PDE1C: variants seen among roughly 807,000 people sequenced by gnomAD.
PDE1C encodes dual specificity calcium/calmodulin-dependent 3',5'-cyclic nucleotide phosphodiesterase 1C.
In PDE1C, 62 loss-of-function variants were observed where a neutral mutation model predicts 93.1. The ratio of observed to expected loss-of-function variants is 0.67; its 90% CI spans 0.54 to 0.82. The LOEUF is 0.82. Ranked by LOEUF, PDE1C falls within the 40% of genes least tolerant of loss-of-function variation. PDE1C has a pLI of 0.00. For missense variants in PDE1C, 742 were observed against 884.6 expected, an observed-to-expected ratio of 0.84 and a Z score of 2.04; for synonymous variants, 325 against 310.1, an observed-to-expected ratio of 1.05 and a Z score of -0.50.
intron 2 of PDE1C, among the ~76,000 whole-genome samples, chr7:31,931,117 C>G (rs1804183557): frequency 1.3e-5 from 2 of 152,060 alleles, no homozygotes; most frequent in Non-Finnish European, 2.9e-5. Flanking sequence ...TATGACAAAG[C>G]CATAGCCGAT....
intron 4 of PDE1C, 29 bp from the exon 5 acceptor site, chr7:31,878,065 A>T: frequency 6.7e-7 from 1 of 1,489,616 alleles, no homozygotes; most frequent in Non-Finnish European, 9.4e-7. Flanking sequence ...AAAATGCAAC[A>T]TGATATCTTA....
intron 2 of PDE1C, among the ~76,000 whole-genome samples, chr7:32,032,389 G>A (rs778918947): frequency 6.6e-5 from 10 of 152,134 alleles, no homozygotes; most frequent in Non-Finnish European, 1.3e-4. Context: ...CCTCACACCC[G>A]TAGAGTGTCC....
At chr7:32,382,016 A>T (rs187435498) in intron 1 of PDE1C, among the ~76,000 whole-genome samples, 1 of 152,366 alleles carries the variant, frequency 6.6e-6, no homozygotes, top group Admixed American at 6.5e-5. Context: ...GAAAGAGACC[A>T]TAAGGCAAGT....
At chr7:32,312,438 G>A (rs1482503429) in intron 1 of PDE1C, among the ~76,000 whole-genome samples, 8 of 151,996 alleles carry the variant, frequency 5.3e-5, no homozygotes, top group African/African-American at 1.4e-4. Flanking sequence ...AAAAGAGCCC[G>A]CATCGCCAAG....
chr7:32,056,649 C>CTAA (rs1794151827), intron 1 of PDE1C, among the ~76,000 whole-genome samples: 1 of 152,126 alleles, frequency 6.6e-6, no homozygotes, highest in Admixed American at 6.5e-5. Context: ...GGGCATTTAG[C>CTAA]ATAGTGCTGG....
chr7:31,643,967 C>A, the PDE1C span: 1 of 1,586,176 alleles, frequency 6.3e-7, no homozygotes, highest in South Asian at 1.1e-5. Context: ...AGTGTTCACC[C>A]TGGCAAAGAT....
chr7:32,030,360 C>T (rs1790146737), intron 2 of PDE1C, among the ~76,000 whole-genome samples: 1 of 152,048 alleles, frequency 6.6e-6, no homozygotes, highest in African/African-American at 2.4e-5. Flanking sequence ...CAAACTCATG[C>T]TTATGCTTAC....
intron 17 of PDE1C, among the ~76,000 whole-genome samples, chr7:31,774,434 A>G (rs1022839495): frequency 6.6e-6 from 1 of 152,208 alleles, no homozygotes; most frequent in African/African-American, 2.4e-5. Context: ...CACTAAAACC[A>G]TACATTAATA....
intron 2 of PDE1C, among the ~76,000 whole-genome samples, chr7:31,948,231 CA>C (rs1322597611): frequency 1.3e-5 from 2 of 152,198 alleles, no homozygotes; most frequent in African/African-American, 4.8e-5. Context: ...TACAGTGACT[CA>C]TGTGAGAGTT....
chr7:31,800,994 T>G (rs1012413754), intron 16 of PDE1C, among the ~76,000 whole-genome samples: 2 of 150,966 alleles, frequency 1.3e-5, no homozygotes, highest in African/African-American at 4.9e-5. Context: ...ATCATGATGC[T>G]AAAGCAGTAC....
At chr7:31,878,836 A>G (rs757116750) in intron 4 of PDE1C, among the ~76,000 whole-genome samples, 160 bp downstream of exon 4, 3 of 152,198 alleles carry the variant, frequency 2.0e-5, no homozygotes, top group Non-Finnish European at 4.4e-5. Flanking sequence ...ATTAAAATAG[A>G]TATGTTTTTG....
chr7:32,071,865 C>G (rs1796083363), upstream of PDE1C, among the ~76,000 whole-genome samples: 4 of 152,272 alleles, frequency 2.6e-5, no homozygotes, highest in South Asian at 8.3e-4. Context: ...CTAGGTGAAG[C>G]CACCACCAGG....
At chr7:31,830,835 G>C (rs1790292861) in intron 11 of PDE1C, among the ~76,000 whole-genome samples, 1 of 152,184 alleles carries the variant, frequency 6.6e-6, no homozygotes, top group South Asian at 2.1e-4. Context: ...AAGCAAGGTA[G>C]ATGGCAGAAT....
intron 3 of PDE1C, among the ~76,000 whole-genome samples, chr7:32,147,508 C>T (rs945304322): frequency 2.0e-5 from 3 of 151,996 alleles, no homozygotes; most frequent in Admixed American, 2.0e-4. Context: ...ATGCCCAGGC[C>T]TTTTTTCTGG....
intron 1 of PDE1C, among the ~76,000 whole-genome samples, chr7:32,285,036 AAAAAAAAGAAAAAAG>A (rs1811911421): frequency 6.6e-6 from 1 of 151,938 alleles, no homozygotes; most frequent in Non-Finnish European, 1.5e-5. Context: ...TCTCAAAAAA[AAAAAAAAGAAAAAAG>A]AAAAAAAGAA....
chr7:32,282,066 G>A (rs1485376017), intron 1 of PDE1C, among the ~76,000 whole-genome samples: 1 of 148,286 alleles, frequency 6.7e-6, no homozygotes, highest in Non-Finnish European at 1.5e-5. Flanking sequence ...TAAATGGTGA[G>A]TTAATGGGTG....
chr7:32,268,562 A>G (rs571932444), intron 1 of PDE1C, among the ~76,000 whole-genome samples: 2 of 152,350 alleles, frequency 1.3e-5, no homozygotes, highest in Admixed American at 1.3e-4. Context: ...TTAACTGAAT[A>G]AATGTAAAAT....
In PDE1C at chr7:32,085,327, C is replaced by T. The variant is rs1428651854; in HGVS notation, c.308+84458G>A. On this transcript the variant is annotated intron_variant, in intron 3 of 18. Transcript: ENST00000396193. Reference sequence around the variant, plus strand: ...AGAAGAATTTGAATCTCTGAATAGACCAATAACAGGCTCTGAAATTGTGGC... The same window carrying T: ...AGAAGAATTTGAATCTCTGAATAGATCAATAACAGGCTCTGAAATTGTGGC... Among the ~76,000 whole-genome samples, 2 of 123,106 alleles carry T rather than the reference C, an allele frequency of 1.6e-5. 1 individual carries two copies. The highest frequency in any genetic ancestry group is 3.4e-5 in the Non-Finnish European group (2 of 58,922). 80.8% of individuals were successfully genotyped at this position (123,106 alleles called of 152,430 possible). A position where few individuals can be genotyped will look rare whatever the true frequency, so the allele number is the denominator to read the frequency against.
intron 2 of PDE1C, among the ~76,000 whole-genome samples, chr7:32,193,153 A>G (rs972174380): frequency 1.3e-5 from 2 of 152,076 alleles, no homozygotes; most frequent in Admixed American, 1.3e-4. Context: ...TTTTCTTTTC[A>G]TCCCTTATTA....
Sources: allele counts gnomAD v4.1 joint callset (sites outside exome capture counted in the v4.1 genomes callset), GRCh38; gene constraint gnomAD v4.1.1; transcripts MANE v1.5; gene names NCBI Gene and HGNC (gene_info 2026-07-23, HGNC 2026-07-21).